The following SLC2A13 variants were observed in gnomAD, a reference collection of about 807,000 sequenced individuals.
The protein encoded by SLC2A13 is solute carrier family 2 member 13.
SLC2A13 carries 32 observed loss-of-function variants against 64.4 expected under a neutral mutation model. The observed-to-expected ratio is 0.50, with a 90% CI of 0.37 to 0.67. SLC2A13 has a LOEUF of 0.67. Among genes scored for constraint, SLC2A13 ranks in the 30% least tolerant of loss-of-function variants. The pLI, the probability that SLC2A13 is intolerant of heterozygous loss-of-function variation, is 0.00. For synonymous variants in SLC2A13, 338 were observed against 327.1 expected, an observed-to-expected ratio of 1.03 and a Z score of -0.36; for missense variants, 743 against 829.2, an observed-to-expected ratio of 0.90 and a Z score of 1.28.
At chr12:39,803,114 G>T (rs1205442457) in intron 7 of SLC2A13, among the ~76,000 whole-genome samples, 1 of 151,538 alleles carries the variant, frequency 6.6e-6, no homozygotes, top group African/African-American at 2.4e-5. Context: ...TGAAGTACAG[G>T]GTATAAGGCA....
At chr12:39,935,764 T>C (rs1201671761) in intron 4 of SLC2A13, among the ~76,000 whole-genome samples, 1 of 152,188 alleles carries the variant, frequency 6.6e-6, no homozygotes, top group South Asian at 2.1e-4. Context: ...CTATTTCAGC[T>C]AGGGAGAATG....
intron 1 of SLC2A13, among the ~76,000 whole-genome samples, chr12:40,057,416 A>G (rs1171181376): frequency 6.6e-6 from 1 of 152,186 alleles, no homozygotes; most frequent in Non-Finnish European, 1.5e-5. Context: ...GGCAGGAAGA[A>G]AAAACAGCTT....
At chr12:40,097,335 C>CA (rs1475668991) in intron 1 of SLC2A13, among the ~76,000 whole-genome samples, 1 of 151,950 alleles carries the variant, frequency 6.6e-6, no homozygotes, top group Non-Finnish European at 1.5e-5. Flanking sequence ...CAAATGACTC[C>CA]AACAGTTTTA....
At chr12:39,839,954 T>C (rs2135870780) in intron 6 of SLC2A13, among the ~76,000 whole-genome samples, 1 of 152,226 alleles carries the variant, frequency 6.6e-6, no homozygotes, top group African/African-American at 2.4e-5. Context: ...TGCAGAACAT[T>C]CATATTTAAA....
At chr12:39,901,830 T>TC (rs1373983974) in intron 4 of SLC2A13, among the ~76,000 whole-genome samples, 2 of 146,624 alleles carry the variant, frequency 1.4e-5, no homozygotes, top group African/African-American at 2.5e-5. Context: ...GACCCAGCCA[T>TC]CCCATTACTG....
At chr12:39,859,726 C>A (rs1305423846) in intron 6 of SLC2A13, among the ~76,000 whole-genome samples, 1 of 152,036 alleles carries the variant, frequency 6.6e-6, no homozygotes, top group Admixed American at 6.6e-5. Context: ...GGGGTTTCAC[C>A]ATGTTGGCCG....
chr12:40,033,747 A>C lies in SLC2A13; in HGVS notation c.717-5238T>G, dbSNP rs17460894. ...CTTTTCATACAGGAAAAATTTGGATAACAAGAAGGTAGGTATTTTTAAAAA... is the reference window on the plus strand; with the variant it reads ...CTTTTCATACAGGAAAAATTTGGATCACAAGAAGGTAGGTATTTTTAAAAA... On this transcript the variant is annotated intron_variant, in intron 2 of 9. Transcript: ENST00000280871. Among the ~76,000 whole-genome samples the C allele has an allele frequency of 2.7e-4, 41 of 152,362 alleles. No individual in the cohort carries two copies. In the East Asian group the frequency reaches 7.1e-3, roughly 27 times the overall value.
intron 6 of SLC2A13, among the ~76,000 whole-genome samples, chr12:39,831,031 T>C (rs1026249664): frequency 6.6e-6 from 1 of 152,178 alleles, no homozygotes; most frequent in African/African-American, 2.4e-5. Flanking sequence ...ATCATGCTTA[T>C]AGAATGAGTT....
chr12:40,085,112 G>A (rs1938547957), intron 1 of SLC2A13, among the ~76,000 whole-genome samples: 1 of 152,154 alleles, frequency 6.6e-6, no homozygotes, highest in Non-Finnish European at 1.5e-5. Context: ...TTGACAGGAA[G>A]GGAACAAAAA....
chr12:40,003,432 A>C (rs1283661565), intron 3 of SLC2A13, among the ~76,000 whole-genome samples: 1 of 152,196 alleles, frequency 6.6e-6, no homozygotes, highest in African/African-American at 2.4e-5. Flanking sequence ...GTGGGCGCTG[A>C]TGGCAATAAC....
chr12:40,004,600 A>G (rs1364499009), intron 3 of SLC2A13, among the ~76,000 whole-genome samples: 1 of 148,606 alleles, frequency 6.7e-6, no homozygotes, highest in Non-Finnish European at 1.5e-5. Context: ...CTGGGCAATG[A>G]GTAAAGGACA....
chr12:40,037,610 G>A (rs1047399157), intron 2 of SLC2A13, among the ~76,000 whole-genome samples: 3 of 138,950 alleles, frequency 2.2e-5, no homozygotes, highest in Admixed American at 7.6e-5. Flanking sequence ...GTGCCAGAGT[G>A]AGACCTGGCA....
chr12:40,061,800 T>C (rs956933908), intron 1 of SLC2A13, among the ~76,000 whole-genome samples: 3 of 151,390 alleles, frequency 2.0e-5, no homozygotes, highest in Non-Finnish European at 4.4e-5. Context: ...GTTTTCAAAT[T>C]TGACAATCCA....
chr12:39,879,019 A>G (rs1294789936), intron 4 of SLC2A13, among the ~76,000 whole-genome samples: 3 of 152,258 alleles, frequency 2.0e-5, no homozygotes, highest in Admixed American at 6.5e-5. Flanking sequence ...CTGTGACTCA[A>G]AGGGGCCTGC....
intron 6 of SLC2A13, among the ~76,000 whole-genome samples, chr12:39,853,346 A>G (rs1035993078): frequency 9.2e-5 from 14 of 152,106 alleles, no homozygotes; most frequent in African/African-American, 3.1e-4. Context: ...GAAAGATAAC[A>G]GTGGTTATGA....
Position 39,755,790 on chromosome 12 carries a change from T to C in SLC2A13, c.*4236A>G, listed in dbSNP as rs1220215299. 1 of 152,108 alleles carries C rather than the reference T, an allele frequency of 6.6e-6. No homozygotes were observed. Among genetic ancestry groups the C allele is most frequent in the Non-Finnish European group, 1.5e-5 (1 of 67,886 alleles). 9.4% of individuals were successfully genotyped at this position (152,108 alleles called of 1,614,324 possible). On this transcript the variant is annotated 3_prime_UTR_variant, in exon 10 of 10. Coordinates refer to ENST00000280871, the MANE Select transcript of SLC2A13 (RefSeq NM_052885.4). ...CAAATTACTCAAGTACAACAGACTA[T>C]ATATTTTGTACATATAAAGATTTAC...
chr12:39,961,469 A>C (rs145055026), intron 3 of SLC2A13, among the ~76,000 whole-genome samples: 50 of 152,270 alleles, frequency 3.3e-4, no homozygotes, highest in Non-Finnish European at 4.9e-4. Flanking sequence ...GTTCCCTTTT[A>C]TTCCTGGTTT....
intron 3 of SLC2A13, among the ~76,000 whole-genome samples, chr12:40,024,430 G>A (rs1947771659): frequency 1.3e-5 from 2 of 152,250 alleles, no homozygotes; most frequent in South Asian, 4.1e-4. Context: ...TGCATTTGCT[G>A]TTTCCTCTTT....
chr12:40,084,032 T>C (rs1317501998), intron 1 of SLC2A13, among the ~76,000 whole-genome samples: 1 of 152,212 alleles, frequency 6.6e-6, no homozygotes, highest in African/African-American at 2.4e-5. Context: ...CAAGTATAGA[T>C]TTGGGAGGCA....
Sources: gnomAD v4.1 joint callset for allele counts (sites outside exome capture counted in the v4.1 genomes callset) on GRCh38, gnomAD v4.1.1 for gene constraint, MANE v1.5 for transcripts, NCBI Gene and HGNC (gene_info 2026-07-23, HGNC 2026-07-21) for gene names.